Variants in SCFD2 observed in about 807,000 individuals in gnomAD.
SCFD2 encodes sec1 family domain containing 2.
Under a neutral mutation model 58.9 loss-of-function variants are expected in SCFD2, and 54 were observed. That is an observed-to-expected ratio of 0.92 (90% CI 0.74 to 1.15). The LOEUF (loss-of-function observed/expected upper bound fraction) is 1.15, where lower values mean the gene tolerates loss of function less well. SCFD2 is among the 50% of genes most tolerant of loss of function. The pLI, the probability that SCFD2 is intolerant of heterozygous loss-of-function variation, is 0.00. For missense variants in SCFD2, 805 were observed against 836.6 expected, an observed-to-expected ratio of 0.96 and a Z score of 0.47; for synonymous variants, 321 against 335.9, an observed-to-expected ratio of 0.96 and a Z score of 0.49.
chr4:53,364,196 ATTT>A (rs1431500263), intron 1 of SCFD2, among the ~76,000 whole-genome samples: 1 of 152,094 alleles, frequency 6.6e-6, no homozygotes, highest in Non-Finnish European at 1.5e-5. Flanking sequence ...CCTACTTTCC[ATTT>A]TTTATCTGAA....
intron 3 of SCFD2, among the ~76,000 whole-genome samples, chr4:53,288,946 CTTG>C (rs150598172): frequency 0.023 from 3,486 of 152,238 alleles, 53 homozygotes; most frequent in Non-Finnish European, 0.032. Flanking sequence ...GTTACACCAA[CTTG>C]TTAAGAAATA....
intron 5 of SCFD2, among the ~76,000 whole-genome samples, chr4:53,135,869 T>C (rs1246531047): frequency 6.6e-6 from 1 of 152,192 alleles, no homozygotes; most frequent in Non-Finnish European, 1.5e-5. Context: ...CCTAACCTAC[T>C]TTACTTATTT....
chr4:53,319,319 T>C (rs1732956260), intron 2 of SCFD2, among the ~76,000 whole-genome samples: 1 of 152,234 alleles, frequency 6.6e-6, no homozygotes, highest in Admixed American at 6.5e-5. Flanking sequence ...GGCTACACAA[T>C]GCTAATTTTC....
At chr4:53,001,122 G>A (rs73149135) in intron 5 of SCFD2, among the ~76,000 whole-genome samples, 2,317 of 152,318 alleles carry the variant, frequency 0.015, 65 homozygotes, top group African/African-American at 0.053. Context: ...GTAGCACAGT[G>A]CAGCTACCTC....
chr4:53,342,868 T>C (rs1348075408), intron 2 of SCFD2, among the ~76,000 whole-genome samples: 3 of 152,110 alleles, frequency 2.0e-5, no homozygotes, highest in Non-Finnish European at 4.4e-5. Context: ...ACTGGGTACA[T>C]AACGAAATGA....
At chr4:53,052,394 C>T (rs983481766) in intron 5 of SCFD2, among the ~76,000 whole-genome samples, 6 of 152,180 alleles carry the variant, frequency 3.9e-5, no homozygotes, top group African/African-American at 1.4e-4. Context: ...CTTGATTGCT[C>T]GTTACGAACT....
At chr4:53,362,854 A>G (rs1734584549) in intron 1 of SCFD2, among the ~76,000 whole-genome samples, 1 of 152,226 alleles carries the variant, frequency 6.6e-6, no homozygotes. Flanking sequence ...TAGTCTACAT[A>G]GGTGAAAAAG....
chr4:52,886,901 G>C (rs1485938282), intron 7 of SCFD2, among the ~76,000 whole-genome samples: 1 of 152,204 alleles, frequency 6.6e-6, no homozygotes, highest in African/African-American at 2.4e-5. Flanking sequence ...TTAATCTTCA[G>C]GTCTCAGCAT....
intron 5 of SCFD2, among the ~76,000 whole-genome samples, chr4:53,082,511 A>G (rs1412639428): frequency 6.6e-6 from 1 of 152,144 alleles, no homozygotes; most frequent in Non-Finnish European, 1.5e-5. Context: ...ATGGCTAGTT[A>G]ATTTTATGTG....
At chr4:52,947,178 C>T (rs1325273009) in intron 5 of SCFD2, among the ~76,000 whole-genome samples, 2 of 152,162 alleles carry the variant, frequency 1.3e-5, no homozygotes, top group African/African-American at 2.4e-5. Flanking sequence ...TTCAGCTCAC[C>T]ATCAAGAAAA....
At chr4:52,969,324 T>C (rs1030198558) in intron 5 of SCFD2, among the ~76,000 whole-genome samples, 3 of 152,254 alleles carry the variant, frequency 2.0e-5, no homozygotes, top group African/African-American at 7.2e-5. Context: ...TATCATTGAA[T>C]AATTTTTAAC....
Position 52,876,135 on chromosome 4 carries a change from CACTG to C in SCFD2, c.1963-2078_1963-2075del, listed in dbSNP as rs533526750. On this transcript the variant is annotated intron_variant, in intron 8 of 8. Coordinates refer to ENST00000401642, the MANE Select transcript of SCFD2 (RefSeq NM_152540.4). Reference sequence around the variant, plus strand: ...AGACCCTGAGGAGATCCCAGCTCCACACTGACTGGCCAGATGCCTCCAGAAAGTC... The same window carrying C: ...AGACCCTGAGGAGATCCCAGCTCCACACTGGCCAGATGCCTCCAGAAAGTC... 6.9e-4 allele frequency among the ~76,000 whole-genome samples: 36 copies of C among 52,254 alleles called. 1 individual carries two copies. In the Admixed American group the frequency reaches 9.1e-3, roughly 13 times the overall value. The allele number at this position is 52,254 out of a possible 152,430, so 34.3% of individuals were successfully genotyped here.
At chr4:53,148,297 T>C (rs1726397327) in intron 4 of SCFD2, among the ~76,000 whole-genome samples, 1 of 152,240 alleles carries the variant, frequency 6.6e-6, no homozygotes, top group Non-Finnish European at 1.5e-5. Flanking sequence ...TGGTCTAAGA[T>C]ACGTGCAAGA....
At chr4:52,937,877 T>C (rs1436239712) in intron 5 of SCFD2, among the ~76,000 whole-genome samples, 2 of 152,172 alleles carry the variant, frequency 1.3e-5, no homozygotes, top group East Asian at 3.9e-4. Flanking sequence ...TCAAGGTTGG[T>C]TAAGGTAGCT....
intron 5 of SCFD2, among the ~76,000 whole-genome samples, chr4:53,074,496 A>G (rs1723913212): frequency 6.6e-6 from 1 of 152,126 alleles, no homozygotes; most frequent in Admixed American, 6.6e-5. Context: ...AAGGTTTGCA[A>G]TGTACTTTGC....
intron 5 of SCFD2, among the ~76,000 whole-genome samples, chr4:53,113,082 T>G (rs1725217400): frequency 6.6e-6 from 1 of 152,084 alleles, no homozygotes; most frequent in African/African-American, 2.4e-5. Flanking sequence ...TTAGTCACAT[T>G]TTGTGCTTCC....
At chr4:52,910,762 T>A (rs959831905) in intron 6 of SCFD2, among the ~76,000 whole-genome samples, 1 of 152,132 alleles carries the variant, frequency 6.6e-6, no homozygotes, top group South Asian at 2.1e-4. Flanking sequence ...GGTAGTTTAG[T>A]CATGGGGGCG....
intron 3 of SCFD2, among the ~76,000 whole-genome samples, chr4:53,307,550 G>A (rs1732555135): frequency 6.6e-6 from 1 of 152,222 alleles, no homozygotes; most frequent in East Asian, 1.9e-4. Flanking sequence ...CCAGTGACAT[G>A]AACAGAGAAA....
At chr4:53,194,576 G>C (rs1359036530) in intron 4 of SCFD2, among the ~76,000 whole-genome samples, 3 of 152,122 alleles carry the variant, frequency 2.0e-5, no homozygotes, top group Non-Finnish European at 4.4e-5. Flanking sequence ...AGTACCAGTA[G>C]TTTCAATTTA....
Sources: gnomAD v4.1 joint callset for allele counts (sites outside exome capture counted in the v4.1 genomes callset) on GRCh38, gnomAD v4.1.1 for gene constraint, MANE v1.5 for transcripts, NCBI Gene and HGNC (gene_info 2026-07-23, HGNC 2026-07-21) for gene names.